GRIN2A: variants seen among roughly 807,000 people sequenced by gnomAD.
The protein encoded by GRIN2A is glutamate receptor ionotropic, NMDA 2A.
In GRIN2A, 22 loss-of-function variants were observed where a neutral mutation model predicts 113.4. That is an observed-to-expected ratio of 0.19 (90% CI 0.14 to 0.28). The LOEUF (loss-of-function observed/expected upper bound fraction) is 0.28, where lower values mean the gene tolerates loss of function less well. GRIN2A is among the 10% of genes least tolerant of loss of function. The pLI is 1.00. For missense variants in GRIN2A, 1,502 were observed against 1,887.0 expected, an observed-to-expected ratio of 0.80 and a Z score of 3.78; for synonymous variants, 827 against 738.4, an observed-to-expected ratio of 1.12 and a Z score of -1.94.
chr16:10,180,646 T>G lies in GRIN2A; in HGVS notation c.-18-217A>C. ...AACTCCAATTCGAGCTAATTCTCCA[T>G]CCCCCAGCCCCTTCTCGCATCCAGC... is the stretch of plus-strand genomic sequence containing the variant. On this transcript the variant is annotated intron_variant, in intron 1 of 12. Coordinates refer to ENST00000330684, the MANE Select transcript of GRIN2A (RefSeq NM_001134407.3). This position sits in a 1 kb window ranked among gnomAD's most constrained non-coding sequence, Gnocchi z 7.0. 2.6e-6 allele frequency: 2 copies of G among 756,442 alleles called. No homozygotes were observed. The highest frequency in any genetic ancestry group is 4.2e-6 in the Non-Finnish European group (2 of 480,202). 46.9% of individuals were successfully genotyped at this position (756,442 alleles called of 1,614,324 possible). A position where few individuals can be genotyped will look rare whatever the true frequency, so the allele number is the denominator to read the frequency against.
At chr16:9,841,206 G>A in intron 5 of GRIN2A, 102 bp from the exon 6 acceptor site, 2 of 1,016,568 alleles carry the variant, frequency 2.0e-6, no homozygotes, top group Non-Finnish European at 3.1e-6. Flanking sequence ...GTAAACTGAA[G>A]TTTAAAAGGG....
intron 2 of GRIN2A, among the ~76,000 whole-genome samples, chr16:10,124,888 T>C (rs1240931226): frequency 2.6e-5 from 4 of 152,056 alleles, no homozygotes; most frequent in Admixed American, 2.0e-4. Context: ...TCAAAGGAAA[T>C]GCCCCAAAAG....
At chr16:10,165,809 G>A (rs2049909800) in intron 2 of GRIN2A, among the ~76,000 whole-genome samples, 1 of 149,646 alleles carries the variant, frequency 6.7e-6, no homozygotes, top group African/African-American at 2.5e-5. Flanking sequence ...GGGGAGGGAA[G>A]AGAAAAAGAA....
chr16:9,887,995 C>A (rs941580172), intron 4 of GRIN2A, among the ~76,000 whole-genome samples: 5 of 152,190 alleles, frequency 3.3e-5, no homozygotes, highest in African/African-American at 4.8e-5. Flanking sequence ...GGCTGGAGTG[C>A]AGTAGCTCAA....
intron 2 of GRIN2A, among the ~76,000 whole-genome samples, chr16:9,942,853 T>A (rs1382714121): frequency 6.6e-6 from 1 of 152,180 alleles, no homozygotes; most frequent in Non-Finnish European, 1.5e-5. Flanking sequence ...TATCTTAAAA[T>A]TCAACCCAAA....
chr16:9,789,586 AC>A (rs1212404993), intron 11 of GRIN2A, among the ~76,000 whole-genome samples: 20 of 134,544 alleles, frequency 1.5e-4, no homozygotes, highest in African/African-American at 5.9e-4. Context: ...ACACACACAC[AC>A]ACAAACACAT....
chr16:9,940,787 C>G (rs2044853781), intron 2 of GRIN2A, among the ~76,000 whole-genome samples: 1 of 152,180 alleles, frequency 6.6e-6, no homozygotes, highest in Non-Finnish European at 1.5e-5. Flanking sequence ...CAACCTATAT[C>G]TCAATGTATC....
chr16:10,090,387 A>G (rs2048164132), intron 2 of GRIN2A, among the ~76,000 whole-genome samples: 1 of 152,234 alleles, frequency 6.6e-6, no homozygotes, highest in East Asian at 1.9e-4. Context: ...AAGCTCTGAC[A>G]CTGTCAATTG....
intron 10 of GRIN2A, among the ~76,000 whole-genome samples, chr16:9,799,217 C>T (rs909439151): frequency 6.6e-6 from 1 of 152,158 alleles, no homozygotes; most frequent in Admixed American, 6.5e-5. Context: ...ACTGTGTCCA[C>T]CCCTAACATT....
chr16:9,897,970 A>C (rs1017596309), intron 3 of GRIN2A, among the ~76,000 whole-genome samples: 3 of 151,818 alleles, frequency 2.0e-5, no homozygotes, highest in Non-Finnish European at 4.4e-5. Flanking sequence ...GTTTCATGAC[A>C]TCGAGGAAAG....
chr16:9,983,235 T>A (rs954535507), intron 2 of GRIN2A, among the ~76,000 whole-genome samples: 1 of 152,206 alleles, frequency 6.6e-6, no homozygotes, highest in Non-Finnish European at 1.5e-5. Flanking sequence ...CGTAATTTTG[T>A]ATCCTTTAAC....
chr16:10,039,524 G>A (rs1004260309), intron 2 of GRIN2A, among the ~76,000 whole-genome samples: 1 of 152,046 alleles, frequency 6.6e-6, no homozygotes, highest in Non-Finnish European at 1.5e-5. Context: ...CTCCCTAGGG[G>A]CAGGATGGGA....
At chr16:9,813,171 A>G (rs2042118722) in intron 10 of GRIN2A, among the ~76,000 whole-genome samples, 1 of 152,250 alleles carries the variant, frequency 6.6e-6, no homozygotes, top group Non-Finnish European at 1.5e-5. Flanking sequence ...ACAAAGCAGT[A>G]AAAGCTAAAT....
intron 2 of GRIN2A, among the ~76,000 whole-genome samples, chr16:9,980,230 A>T (rs2045864711): frequency 6.6e-6 from 1 of 151,864 alleles, no homozygotes; most frequent in Admixed American, 6.6e-5. Flanking sequence ...CCGAGATCAC[A>T]CGACTGCACT....
At chr16:10,111,603 A>T in intron 2 of GRIN2A, 1 of 1,132,776 alleles carries the variant, frequency 8.8e-7, no homozygotes, top group South Asian at 1.2e-5. Context: ...ACACTGAGAC[A>T]GAGGCCGACA....
At chr16:10,061,946 C>T (rs1322787685) in intron 2 of GRIN2A, among the ~76,000 whole-genome samples, 1 of 152,192 alleles carries the variant, frequency 6.6e-6, no homozygotes, top group Non-Finnish European at 1.5e-5. Context: ...ACAAACCATT[C>T]CGTCAGCTTC....
At chr16:10,052,671 G>A (rs1248570648) in intron 2 of GRIN2A, among the ~76,000 whole-genome samples, 2 of 152,144 alleles carry the variant, frequency 1.3e-5, no homozygotes, top group Non-Finnish European at 2.9e-5. Context: ...ATCTGTTGAG[G>A]CAGGAAGCTT....
At chr16:10,128,486 T>A (rs2048992160) in intron 2 of GRIN2A, among the ~76,000 whole-genome samples, 1 of 152,274 alleles carries the variant, frequency 6.6e-6, no homozygotes, top group Middle Eastern at 3.4e-3. Flanking sequence ...TACAGAATGT[T>A]GAGATTGGCC....
chr16:10,004,714 G>C (rs1302547207), intron 2 of GRIN2A, among the ~76,000 whole-genome samples: 1 of 152,132 alleles, frequency 6.6e-6, no homozygotes, highest in African/African-American at 2.4e-5. Flanking sequence ...CCTGGTAGTA[G>C]AATCTCCCTG....
Sources: allele counts gnomAD v4.1 joint callset (sites outside exome capture counted in the v4.1 genomes callset), GRCh38; gene constraint gnomAD v4.1.1; non-coding constraint Gnocchi (gnomAD v3.1); transcripts MANE v1.5; gene names NCBI Gene and HGNC (gene_info 2026-07-23, HGNC 2026-07-21).